LYPD6B: variants seen among roughly 807,000 people sequenced by gnomAD.
LYPD6B encodes ly6/PLAUR domain-containing protein 6B.
LYPD6B carries 17 observed loss-of-function variants against 22.8 expected under a neutral mutation model. The ratio of observed to expected loss-of-function variants is 0.75; its 90% CI spans 0.51 to 1.12. The LOEUF (loss-of-function observed/expected upper bound fraction) is 1.12, where lower values mean the gene tolerates loss of function less well. LYPD6B is among the 50% of genes most tolerant of loss of function. The pLI is 0.00. For synonymous variants in LYPD6B, 106 were observed against 91.6 expected, an observed-to-expected ratio of 1.16 and a Z score of -0.90; for missense variants, 221 against 258.3, an observed-to-expected ratio of 0.86 and a Z score of 0.99.
chr2:149,159,597 T>C (rs1226710005), intron 2 of LYPD6B, among the ~76,000 whole-genome samples: 2 of 145,236 alleles, frequency 1.4e-5, no homozygotes, highest in Admixed American at 1.3e-4. Context: ...TGCGTGTGTG[T>C]GTGTGTGTGT....
At chr2:149,167,645 T>G (rs1690518343) in intron 3 of LYPD6B, among the ~76,000 whole-genome samples, 1 of 152,154 alleles carries the variant, frequency 6.6e-6, no homozygotes, top group Non-Finnish European at 1.5e-5. Context: ...GTCATCCTCC[T>G]TCCTGAAAGG....
At chr2:149,110,415 C>T (rs1686700937) in intron 1 of LYPD6B, among the ~76,000 whole-genome samples, 1 of 151,918 alleles carries the variant, frequency 6.6e-6, no homozygotes, top group Non-Finnish European at 1.5e-5. Context: ...TTGTTGGGTG[C>T]TGTATATTTT....
intron 2 of LYPD6B, among the ~76,000 whole-genome samples, chr2:149,139,492 G>T: frequency 6.6e-6 from 1 of 152,148 alleles, no homozygotes; most frequent in South Asian, 2.1e-4. Flanking sequence ...TTTAGGTAAA[G>T]GCTGTAAGCA....
At chr2:149,097,232 C>T (rs1433208515) in intron 1 of LYPD6B, among the ~76,000 whole-genome samples, 1 of 152,206 alleles carries the variant, frequency 6.6e-6, no homozygotes, top group African/African-American at 2.4e-5. Context: ...CAGGGCAAAG[C>T]CACTTTGAAA....
chr2:149,142,053 T>G (rs1001586709), intron 2 of LYPD6B: 2 of 152,242 alleles, frequency 1.3e-5, no homozygotes, highest in African/African-American at 4.8e-5. Flanking sequence ...ATCATTTACC[T>G]TATGGATTCC....
At position 149,205,409 on chromosome 2, in the gene LYPD6B, G is replaced by T. The variant is rs773075690; in HGVS notation, c.229+5G>T. On this transcript the variant is annotated splice_donor_5th_base_variant and intron_variant, in intron 4 of 6. Transcript: ENST00000409642. ...ATGTGAGGCCTCCTCTCGACCGTAA[G>T]TAGTGGTGGTTGCCATCCTAGTTCA... 4 of 1,613,246 alleles carry T rather than the reference G, an allele frequency of 2.5e-6. No homozygotes were observed. The East Asian group carries it at 8.9e-5, about 36-fold the overall frequency.
chr2:149,203,979 G>T (rs1485249465), intron 3 of LYPD6B, among the ~76,000 whole-genome samples: 1 of 152,200 alleles, frequency 6.6e-6, no homozygotes, highest in Non-Finnish European at 1.5e-5. Context: ...GAAGGATTAT[G>T]CTTGTATATG....
chr2:149,107,016 A>T (rs1209393291), intron 1 of LYPD6B, among the ~76,000 whole-genome samples: 1 of 152,172 alleles, frequency 6.6e-6, no homozygotes, highest in African/African-American at 2.4e-5. Flanking sequence ...TTCATTATAC[A>T]TACGCACCTA....
intron 3 of LYPD6B, among the ~76,000 whole-genome samples, chr2:149,188,175 G>A (rs1282744833): frequency 2.0e-5 from 3 of 152,152 alleles, no homozygotes; most frequent in Admixed American, 1.3e-4. Context: ...AGAGAGACAA[G>A]TGCACATTTA....
At chr2:149,068,039 G>A (rs1684423143) in intron 1 of LYPD6B, among the ~76,000 whole-genome samples, 1 of 152,124 alleles carries the variant, frequency 6.6e-6, no homozygotes, top group South Asian at 2.1e-4. Context: ...GAAGATGGAG[G>A]TTTTTGTTTT....
intron 3 of LYPD6B, among the ~76,000 whole-genome samples, chr2:149,171,767 T>C (rs1294602038): frequency 2.0e-5 from 3 of 152,190 alleles, no homozygotes; most frequent in Non-Finnish European, 2.9e-5. Context: ...AGATGTTCTG[T>C]TGGTTTAGGG....
At position 149,164,665 on chromosome 2, in the gene LYPD6B, G is replaced by T. The variant is rs117474984; in HGVS notation, c.77+3830G>T. On this transcript the variant is annotated intron_variant, in intron 3 of 6. Transcript: ENST00000409642. ...GGATCTAACTTGGCACCCTACCTTG[G>T]TGCTGAAAGCTTGCCTCCATCTTCC... Among the ~76,000 whole-genome samples the T allele has an allele frequency of 3.2e-3, 494 of 152,232 alleles. 4 individuals carry two copies. Among genetic ancestry groups the T allele is most frequent in the African/African-American group, 7.5e-3 (313 of 41,538 alleles).
chr2:149,052,777 C>T (rs531628243), intron 1 of LYPD6B, among the ~76,000 whole-genome samples: 5 of 152,290 alleles, frequency 3.3e-5, no homozygotes, highest in African/African-American at 1.2e-4. Flanking sequence ...TTTTAGTTTA[C>T]CTTGACTCTT....
At chr2:149,187,675 A>T in intron 3 of LYPD6B, 1 of 570,738 alleles carries the variant, frequency 1.8e-6, no homozygotes, top group Non-Finnish European at 2.8e-6. Context: ...GGGCCACATT[A>T]GAAGAAGAGC....
At chr2:149,155,178 A>T (rs1689620118) in intron 2 of LYPD6B, among the ~76,000 whole-genome samples, 1 of 152,210 alleles carries the variant, frequency 6.6e-6, no homozygotes, top group Non-Finnish European at 1.5e-5. Context: ...AGGCTGAGAA[A>T]TCATCCTTTT....
intron 1 of LYPD6B, among the ~76,000 whole-genome samples, chr2:149,060,901 C>T (rs987427365): frequency 2.6e-5 from 4 of 152,188 alleles, no homozygotes; most frequent in Admixed American, 2.6e-4. Flanking sequence ...CCATGAGGGG[C>T]ACTCGACACC....
At chr2:149,067,230 C>A (rs571493266) in intron 1 of LYPD6B, among the ~76,000 whole-genome samples, 2 of 152,054 alleles carry the variant, frequency 1.3e-5, no homozygotes, top group African/African-American at 4.8e-5. Flanking sequence ...GTTTGAGAAG[C>A]GCTGCTACAT....
At chr2:149,128,657 A>G (rs535392468) in intron 1 of LYPD6B, among the ~76,000 whole-genome samples, 79 of 152,358 alleles carry the variant, frequency 5.2e-4, no homozygotes, top group African/African-American at 1.9e-3. Flanking sequence ...GGGTCTTTGA[A>G]TGTGAACATT....
In LYPD6B at chr2:149,071,173, A is replaced by G. The variant is rs115493641; in HGVS notation, c.-67+32372A>G. Among the ~76,000 whole-genome samples, 1,285 of 152,334 alleles carry G rather than the reference A, an allele frequency of 8.4e-3. 18 individuals are homozygous for G. Among genetic ancestry groups the G allele is most frequent in the African/African-American group, 0.029 (1,218 of 41,582 alleles). On this transcript the variant is annotated intron_variant, in intron 1 of 6. Transcript: ENST00000409642. ...TTTGCTGAGTCCATAGCAATACTTA[A>G]TTAACTGTGCAAACATTCTATTCAA... is the stretch of plus-strand genomic sequence containing the variant.
Sources: allele counts gnomAD v4.1 joint callset (sites outside exome capture counted in the v4.1 genomes callset), GRCh38; gene constraint gnomAD v4.1.1; transcripts MANE v1.5; gene names NCBI Gene and HGNC (gene_info 2026-07-23, HGNC 2026-07-21).